NCKAP5: variants seen among roughly 807,000 people sequenced by gnomAD.
The protein encoded by NCKAP5 is NCK associated protein 5.
A neutral mutation model predicts 167.0 loss-of-function variants in NCKAP5; 92 were observed. The ratio of observed to expected loss-of-function variants is 0.55; its 90% confidence interval spans 0.47 to 0.66. The LOEUF (loss-of-function observed/expected upper bound fraction) is 0.66, where lower values mean the gene tolerates loss of function less well. Among genes scored for constraint, NCKAP5 ranks in the 30% least tolerant of loss-of-function variants. NCKAP5 has a pLI of 0.00. For synonymous variants in NCKAP5, 891 were observed against 877.4 expected, an observed-to-expected ratio of 1.02 and a Z score of -0.27; for missense variants, 2,378 against 2,315.0, an observed-to-expected ratio of 1.03 and a Z score of -0.56.
intron 7 of NCKAP5, among the ~76,000 whole-genome samples, chr2:132,964,829 C>T (rs1035866197): frequency 2.0e-5 from 3 of 151,800 alleles, no homozygotes; most frequent in African/African-American, 4.8e-5. Context: ...AAGCACAAAA[C>T]GTATCATTCT....
chr2:133,288,564 A>G (rs919894154), intron 4 of NCKAP5, among the ~76,000 whole-genome samples: 3 of 151,846 alleles, frequency 2.0e-5, no homozygotes, highest in Non-Finnish European at 2.9e-5. Flanking sequence ...AATATTGTAC[A>G]ATTAACTTTT....
chr2:133,090,358 A>C (rs1367776011), intron 6 of NCKAP5, among the ~76,000 whole-genome samples: 1 of 152,048 alleles, frequency 6.6e-6, no homozygotes, highest in Non-Finnish European at 1.5e-5. Context: ...AAAGGTAGAA[A>C]GAGATTTGAG....
intron 16 of NCKAP5, among the ~76,000 whole-genome samples, chr2:132,750,073 G>A (rs888523830): frequency 3.3e-5 from 5 of 152,152 alleles, no homozygotes; most frequent in South Asian, 2.1e-4. Flanking sequence ...TGAAACTTAC[G>A]TATGGTTGTT....
intron 6 of NCKAP5, among the ~76,000 whole-genome samples, chr2:133,021,880 C>T (rs2078541466): frequency 6.6e-6 from 1 of 152,218 alleles, no homozygotes; most frequent in Admixed American, 6.5e-5. Context: ...ATCCACCCTC[C>T]TCCACCTCCC....
chr2:133,356,444 T>C lies in NCKAP5; in HGVS notation c.70-53334A>G, dbSNP rs1684723198. Among the ~76,000 whole-genome samples, 3 of 152,212 alleles carry C rather than the reference T, an allele frequency of 2.0e-5. No individual in the cohort carries two copies. The South Asian group carries it at 6.2e-4, about 32-fold the overall frequency. ...CATTTAATCCCCATTTTCTCCACTT[T>C]CCCTACAGCTCTGCTGTCCTTGCCT... On this transcript the variant is annotated intron_variant, in intron 3 of 19. Transcript: ENST00000409261.
chr2:132,994,588 A>G (rs982550394), intron 6 of NCKAP5, among the ~76,000 whole-genome samples: 2 of 152,180 alleles, frequency 1.3e-5, no homozygotes, highest in Admixed American at 6.5e-5. Flanking sequence ...TCATTTTTAA[A>G]CACCAATTTT....
chr2:133,193,802 T>A (rs1053212296), intron 5 of NCKAP5, among the ~76,000 whole-genome samples: 1 of 152,104 alleles, frequency 6.6e-6, no homozygotes, highest in African/African-American at 2.4e-5. Flanking sequence ...TCTGTGTCAC[T>A]TGGATGTACT....
At chr2:132,856,799 A>C (rs77708169) in intron 11 of NCKAP5, among the ~76,000 whole-genome samples, 1,712 of 152,292 alleles carry the variant, frequency 0.011, 12 homozygotes, top group Non-Finnish European at 0.019. Context: ...GTTAATTCAA[A>C]TGTCACCTAG....
At position 133,353,245 on chromosome 2, in the gene NCKAP5, G is replaced by T. The variant is rs187665503; in HGVS notation, c.70-50135C>A. Among the ~76,000 whole-genome samples, 107 of 152,296 alleles carry T rather than the reference G, an allele frequency of 7.0e-4. 1 individual carries two copies. Among genetic ancestry groups the T allele is most frequent in the African/African-American group, 2.5e-3 (102 of 41,568 alleles). On this transcript the variant is annotated intron_variant, in intron 3 of 19. Transcript: ENST00000409261. Reference sequence around the variant, plus strand: ...GCTAGTGTCACCAAAAGGCATGAAGGACATGTGGGAGGAAGTAATGGGATT... The same window carrying T: ...GCTAGTGTCACCAAAAGGCATGAAGTACATGTGGGAGGAAGTAATGGGATT...
chr2:133,418,557 C>T (rs11888172), intron 3 of NCKAP5, among the ~76,000 whole-genome samples: 3,035 of 152,214 alleles, frequency 0.02, 99 homozygotes, highest in African/African-American at 0.069. Flanking sequence ...AGGGGACAAA[C>T]GGAGGATTCA....
the NCKAP5 span, among the ~76,000 whole-genome samples, chr2:133,617,710 T>A: frequency 2.6e-5 from 4 of 151,608 alleles, no homozygotes; most frequent in East Asian, 1.9e-4. Flanking sequence ...ATCAATATCA[T>A]GAAAATGGCC....
chr2:133,603,943 G>A, the NCKAP5 span, among the ~76,000 whole-genome samples: 1 of 152,252 alleles, frequency 6.6e-6, no homozygotes, highest in South Asian at 2.1e-4. Flanking sequence ...ATGTGACCAT[G>A]GACTAGGTAC....
At chr2:132,702,359 G>A (rs529201535) in intron 19 of NCKAP5, among the ~76,000 whole-genome samples, 4 of 152,044 alleles carry the variant, frequency 2.6e-5, no homozygotes, top group East Asian at 1.9e-4. Flanking sequence ...GCCTCTTCTC[G>A]CTCCTCAGGG....
intron 4 of NCKAP5, among the ~76,000 whole-genome samples, chr2:133,226,015 C>T (rs977536877): frequency 4.0e-5 from 6 of 151,850 alleles, no homozygotes; most frequent in African/African-American, 1.5e-4. Flanking sequence ...ATCTCTTGAC[C>T]TTGTGATCCA....
At chr2:132,865,818 A>G (rs1690304280) in intron 10 of NCKAP5, among the ~76,000 whole-genome samples, 2 of 152,306 alleles carry the variant, frequency 1.3e-5, no homozygotes, top group South Asian at 4.1e-4. Flanking sequence ...AACTATGAGC[A>G]AACTTTTTTT....
chr2:132,824,848 A>G (rs558247832), intron 11 of NCKAP5, among the ~76,000 whole-genome samples: 1 of 152,238 alleles, frequency 6.6e-6, no homozygotes, highest in South Asian at 2.1e-4. Flanking sequence ...AGTGTTTAAC[A>G]TGTGCACAGC....
rs541604434 is a variant in NCKAP5, at chr2:132,836,183, T to A, written c.807+24309A>T. Reference sequence around the variant, plus strand: ...CACTGTTATTTCTTGATTTATCAATTGCAGACATCTTCCACTGACTTCCCA... The same window carrying A: ...CACTGTTATTTCTTGATTTATCAATAGCAGACATCTTCCACTGACTTCCCA... On this transcript the variant is annotated intron_variant, in intron 11 of 19. Transcript: ENST00000409261. Among the ~76,000 whole-genome samples, 13 of 152,324 alleles carry A rather than the reference T, an allele frequency of 8.5e-5. No individual in the cohort carries two copies. The Middle Eastern group carries it at 0.014, about 159-fold the overall frequency.
chr2:133,332,779 C>T, intron 3 of NCKAP5, among the ~76,000 whole-genome samples: 1 of 152,198 alleles, frequency 6.6e-6, no homozygotes, highest in East Asian at 1.9e-4. Context: ...TAGGGGAGGT[C>T]TGGAAGCTTT....
At chr2:133,575,202 T>C in the NCKAP5 span, among the ~76,000 whole-genome samples, 1 of 152,222 alleles carries the variant, frequency 6.6e-6, no homozygotes, top group South Asian at 2.1e-4. Context: ...GACCCTGGGC[T>C]ATTAGGCAGG....
Sources: gnomAD v4.1 joint callset for allele counts (sites outside exome capture counted in the v4.1 genomes callset) on GRCh38, gnomAD v4.1.1 for gene constraint, MANE v1.5 for transcripts, NCBI Gene and HGNC (gene_info 2026-07-23, HGNC 2026-07-21) for gene names.